Variants in TTLL10 observed in about 807,000 individuals in gnomAD.
TTLL10 encodes tubulin tyrosine ligase like 10, also known as inactive polyglycylase TTLL10.
TTLL10 carries 61 observed loss-of-function variants against 69.0 expected under a neutral mutation model. That is an observed-to-expected ratio of 0.88 (90% CI 0.72 to 1.09). TTLL10 has a LOEUF of 1.09. TTLL10 is among the 50% of genes least tolerant of loss of function. TTLL10 has a pLI of 0.00. For missense variants in TTLL10, 962 were observed against 945.9 expected, an observed-to-expected ratio of 1.02 and a Z score of -0.22; for synonymous variants, 408 against 393.3, an observed-to-expected ratio of 1.04 and a Z score of -0.44.
rs1489354862 is a variant in TTLL10 at position 1,182,863 on chromosome 1, G to A, written c.917-13G>A. ...GGGGGCGAGGCCAGGGGCTCAGGCC[G>A]CGCTCTCTGCAGAAACCCAGATATG... On this transcript the variant is annotated splice_polypyrimidine_tract_variant and intron_variant, in intron 10 of 15. Coordinates refer to ENST00000379289, the MANE Select transcript of TTLL10 (RefSeq NM_001130045.2). 3.2e-5 allele frequency: 50 copies of A among 1,553,262 alleles called. No homozygotes were observed. The highest frequency in any genetic ancestry group is 2.2e-4 in the African/African-American group (16 of 73,546).
rs1479811398 is a variant in TTLL10 at position 1,197,144 on chromosome 1, G to A, written c.1570G>A (p.Val524Ile). The A allele has an allele frequency of 1.3e-6, 2 of 1,550,996 alleles. No homozygotes were observed. The highest frequency in any genetic ancestry group is 1.7e-6 in the Non-Finnish European group (2 of 1,146,812). The change falls in exon 15 of 16, where the codon GTC becomes ATC. Residue 524 changes from valine (V) to isoleucine (I), a missense_variant. Physicochemically the swap from Val to Ile is conservative, Grantham distance 29. Transcript: ENST00000379289. ...CCCAGCCCTGCACACCAACTGCGAG[G>A]TCCTGAAGGAGGTCATCCCAGGTGT... Reference protein sequence around the residue: ...SNPALHTNCEVLKEVIPGVVI... With the variant: ...SNPALHTNCEILKEVIPGVVI...
chr1:1,193,852 T>C (rs961508782), intron 13 of TTLL10, among the ~76,000 whole-genome samples: 1 of 152,206 alleles, frequency 6.6e-6, no homozygotes, highest in African/African-American at 2.4e-5. Context: ...ACCATTAATA[T>C]TGTATCTTAA....
At position 1,181,987 on chromosome 1, in the gene TTLL10, C is replaced by G. The variant is rs1434623917; in HGVS notation, c.830+172C>G. Reference sequence around the variant, plus strand: ...ATCCACGCTGACCCCCCAGTGCACACAGAGCTGGGGCAGGGCCAGGGGCTC... The same window carrying G: ...ATCCACGCTGACCCCCCAGTGCACAGAGAGCTGGGGCAGGGCCAGGGGCTC... On this transcript the variant is annotated intron_variant, in intron 9 of 15. Coordinates refer to ENST00000379289, the MANE Select transcript of TTLL10 (RefSeq NM_001130045.2). The surrounding 1 kb of genome is among the most constrained non-coding windows in gnomAD (Gnocchi z 4.6). Among the ~76,000 whole-genome samples, 4 of 152,268 alleles carry G rather than the reference C, an allele frequency of 2.6e-5. No homozygotes were observed. The highest frequency in any genetic ancestry group is 5.9e-5 in the Non-Finnish European group (4 of 68,044).
chr1:1,187,092 C>T (rs890445776), intron 13 of TTLL10, among the ~76,000 whole-genome samples: 4 of 151,748 alleles, frequency 2.6e-5, no homozygotes, highest in Non-Finnish European at 2.9e-5. Context: ...GTGATCTGCC[C>T]GCCTCGGCCT....
chr1:1,183,159 C>T, intron 11 of TTLL10, 112 bp downstream of exon 11: 1 of 1,334,748 alleles, frequency 7.5e-7, no homozygotes. Flanking sequence ...GCAGCCGCAC[C>T]ACCAGCCCCT....
rs960260321 is a variant in TTLL10 at position 1,175,869 on chromosome 1, G to A, written c.-28+1380G>A. 1.7e-4 allele frequency: 68 copies of A among 407,738 alleles called. 1 individual carries two copies. Among genetic ancestry groups the A allele is most frequent in the Admixed American group, 6.5e-4 (25 of 38,236 alleles). The allele number at this position is 407,738 out of a possible 1,614,324, so 25.3% of individuals were successfully genotyped here. ...CTGTGCCGGTGGAGAGGCTGCTGCC[G>A]TGCAGGTGGAGAGAGGCTGCCGCTG... On this transcript the variant is annotated intron_variant, in intron 3 of 15. Transcript: ENST00000379289.
In TTLL10 at chr1:1,179,274, C is replaced by T; in HGVS notation, c.59C>T (p.Ala20Val). 6.4e-7 allele frequency: 1 copy of T among 1,551,038 alleles called. No individual in the cohort carries two copies. The highest frequency in any genetic ancestry group is 8.7e-7 in the Non-Finnish European group (1 of 1,146,734). The change falls in exon 4 of 16, where the codon GCC becomes GTC. Residue 20 changes from alanine (A) to valine (V), a missense_variant. Coordinates refer to ENST00000379289, the MANE Select transcript of TTLL10 (RefSeq NM_001130045.2). ...HRRGPPTRTR[A>V]GFKRGKRPRI... ...CGGGGACCACCCACTCGGACCCGAG[C>T]CGGCTTCAAGAGGGGCAAGAGGCCA...
At chr1:1,190,594 A>AT (rs1343631094) in intron 13 of TTLL10, among the ~76,000 whole-genome samples, 1 of 151,180 alleles carries the variant, frequency 6.6e-6, no homozygotes, top group African/African-American at 2.4e-5. Context: ...CTCCCAGCTA[A>AT]TTTTTTTGTA....
chr1:1,187,678 G>A (rs1410413194), intron 13 of TTLL10, among the ~76,000 whole-genome samples: 3 of 150,982 alleles, frequency 2.0e-5, no homozygotes, highest in Admixed American at 6.6e-5. Context: ...GCTGAGGAAG[G>A]TGGATCACCT....
At position 1,197,185 on chromosome 1, in the gene TTLL10, G is replaced by C. The variant is rs1420568997; in HGVS notation, c.1611G>C (p.Leu537=). The change falls in exon 15 of 16, where the codon CTG becomes CTC. Residue 537 remains leucine (L), a splice_region_variant and synonymous_variant. Coordinates refer to ENST00000379289, the MANE Select transcript of TTLL10 (RefSeq NM_001130045.2). The part of the protein sequence containing the change: ...EVIPGVVIET[L]DLVLETFRKS... ...TCCCAGGTGTGGTCATCGAGACCCT[G>C]GGTGAGCCTCCAAGCCCCCACCCCA... 4 of 1,549,552 alleles carry C rather than the reference G, an allele frequency of 2.6e-6. No homozygotes were observed. Among genetic ancestry groups the C allele is most frequent in the Non-Finnish European group, 3.5e-6 (4 of 1,146,564 alleles).
At chr1:1,189,966 G>C (rs1182807898) in intron 13 of TTLL10, among the ~76,000 whole-genome samples, 1 of 152,002 alleles carries the variant, frequency 6.6e-6, no homozygotes, top group African/African-American at 2.4e-5. Context: ...CAAAAAATTA[G>C]CTGGGCGTGG....
intron 14 of TTLL10, 72 bp from the exon 15 acceptor site, chr1:1,197,021 G>C: frequency 2.9e-6 from 4 of 1,394,586 alleles, no homozygotes; most frequent in Non-Finnish European, 4.0e-6. Flanking sequence ...GTCTGAATGA[G>C]GACCAGGGCC....
At chr1:1,180,918 CCCCT>C (rs1647042875) in intron 8 of TTLL10, 58 bp downstream of exon 8, 10 of 1,423,950 alleles carry the variant, frequency 7.0e-6, no homozygotes, top group Non-Finnish European at 6.5e-6. Context: ...CCTGCCCCTG[CCCCT>C]GCCCCTGCAC....
chr1:1,175,462 C>A, intron 3 of TTLL10: 1 of 359,334 alleles, frequency 2.8e-6, no homozygotes, highest in Non-Finnish European at 5.5e-6. Flanking sequence ...CTGTCCATAT[C>A]ATCCCGGCAC....
intron 13 of TTLL10, among the ~76,000 whole-genome samples, chr1:1,194,604 C>T (rs888595586): frequency 6.6e-6 from 1 of 152,190 alleles, no homozygotes; most frequent in African/African-American, 2.4e-5. Context: ...TTTTGGTCAA[C>T]AGTATTTTTA....
chr1:1,196,469 G>A (rs1294521331), intron 13 of TTLL10, 131 bp from the exon 14 acceptor site: 1 of 677,004 alleles, frequency 1.5e-6, no homozygotes, highest in African/African-American at 1.8e-5. Flanking sequence ...ACGAACGTGT[G>A]GGCAGGTGTG....
intron 15 of TTLL10, 78 bp downstream of exon 15, chr1:1,197,264 A>G: frequency 2.2e-6 from 3 of 1,389,824 alleles, no homozygotes; most frequent in Non-Finnish European, 2.0e-6. Flanking sequence ...TCCCAAGTTC[A>G]GACCCCCACA....
chr1:1,177,200 A>G (rs996329084), intron 3 of TTLL10, among the ~76,000 whole-genome samples: 2 of 145,608 alleles, frequency 1.4e-5, no homozygotes, highest in Non-Finnish European at 3.0e-5. Context: ...CTGTGCATCC[A>G]TGTGTCTGTG....
At chr1:1,175,332 G>A in intron 3 of TTLL10, 1 of 279,040 alleles carries the variant, frequency 3.6e-6, no homozygotes, top group South Asian at 3.7e-5. Flanking sequence ...GGGGGTGGGT[G>A]CTGTGCTTCC....
Sources: allele counts gnomAD v4.1 joint callset (sites outside exome capture counted in the v4.1 genomes callset), GRCh38; gene constraint gnomAD v4.1.1; non-coding constraint Gnocchi (gnomAD v3.1); transcripts MANE v1.5; gene names NCBI Gene and HGNC (gene_info 2026-07-23, HGNC 2026-07-21).